Variants in GABRA1 observed in about 807,000 individuals in gnomAD.
The protein encoded by GABRA1 is gamma-aminobutyric acid receptor subunit alpha-1.
A neutral mutation model predicts 48.9 loss-of-function variants in GABRA1; 9 were observed. The ratio of observed to expected loss-of-function variants is 0.18; its 90% CI spans 0.11 to 0.32. The LOEUF (loss-of-function observed/expected upper bound fraction) is 0.32, where lower values mean the gene tolerates loss of function less well. Among genes scored for constraint, GABRA1 ranks in the 10% least tolerant of loss-of-function variants. The probability of loss-of-function intolerance (pLI) is 1.00; values close to 1 mark genes in which losing one functional copy is unlikely to be tolerated. For missense variants in GABRA1, 285 were observed against 553.8 expected (o/e 0.51, Z 4.87); for synonymous variants, 210 against 198.7 (o/e 1.06, Z -0.48).
In GABRA1 at chr5:161,897,528, GAA is replaced by G; in HGVS notation, c.*108_*109del. ...TTATTGCCTCTGTCTTAAAGAATTT[GAA>G]AGTTTCCTTATTTTCATAATTCATT... On this transcript the variant is annotated 3_prime_UTR_variant, in exon 10 of 10. Coordinates refer to ENST00000393943, the MANE Select transcript of GABRA1 (RefSeq NM_001127644.2). The G allele has an allele frequency of 9.0e-7, 1 of 1,114,058 alleles. No individual in the cohort carries two copies. Among genetic ancestry groups the G allele is most frequent in the Non-Finnish European group, 1.3e-6 (1 of 752,632 alleles). 69.0% of individuals were successfully genotyped at this position (1,114,058 alleles called of 1,614,324 possible).
chr5:161,891,337 C>T (rs1362693613), intron 8 of GABRA1, among the ~76,000 whole-genome samples: 2 of 152,006 alleles, frequency 1.3e-5, no homozygotes, highest in Non-Finnish European at 2.9e-5. Context: ...ATATTAAAAA[C>T]TCATAAATAA....
At chr5:161,860,520 A>C in intron 3 of GABRA1, among the ~76,000 whole-genome samples, 1 of 151,746 alleles carries the variant, frequency 6.6e-6, no homozygotes, top group Non-Finnish European at 1.5e-5. Context: ...GTTAATGGGT[A>C]CAAAAGAAAG....
upstream of GABRA1, chr5:161,847,438 A>G (rs555029283): frequency 1.3e-5 from 2 of 152,354 alleles, no homozygotes; most frequent in East Asian, 3.9e-4. Context: ...TTTCTCCATG[A>G]TAACATAGAC....
At chr5:161,886,458 T>G (rs1490438711) in intron 7 of GABRA1, among the ~76,000 whole-genome samples, 1 of 151,854 alleles carries the variant, frequency 6.6e-6, no homozygotes, top group Non-Finnish European at 1.5e-5. Context: ...ATGCAGTAAG[T>G]GTCCGATATT....
chr5:161,869,952 T>C (rs1007530820), intron 4 of GABRA1, among the ~76,000 whole-genome samples: 2 of 152,198 alleles, frequency 1.3e-5, no homozygotes, highest in Non-Finnish European at 2.9e-5. Flanking sequence ...GAGAAACACA[T>C]TTTCATGACC....
intron 7 of GABRA1, among the ~76,000 whole-genome samples, chr5:161,890,487 G>T (rs561070009): frequency 6.6e-6 from 1 of 152,044 alleles, no homozygotes; most frequent in East Asian, 1.9e-4. Flanking sequence ...TCTTCAGTAG[G>T]TATTGTGGAT....
rs570649174 is a variant in GABRA1 at position 161,855,932 on chromosome 5, CA to C, written c.187+1663del. 1.3e-3 allele frequency among the ~76,000 whole-genome samples: 195 copies of C among 151,350 alleles called. 1 individual carries two copies. Among genetic ancestry groups the C allele is most frequent in the African/African-American group, 4.3e-3 (180 of 41,448 alleles). On this transcript the variant is annotated intron_variant, in intron 3 of 9. Transcript: ENST00000393943. ...GCATGTAAATATGAGTATTATTTGA[CA>C]GATTTGTGCATCATCTTCAATTTAT...
intron 5 of GABRA1, 103 bp downstream of exon 5, chr5:161,873,440 CT>C (rs1754211464): frequency 2.1e-6 from 2 of 948,026 alleles, no homozygotes; most frequent in Admixed American, 2.0e-5. Context: ...TATTTGCTTC[CT>C]TGTTTTTCAA....
At chr5:161,872,391 A>T (rs1464575996) in intron 4 of GABRA1, 1 of 152,614 alleles carries the variant, frequency 6.6e-6, no homozygotes, top group Admixed American at 6.6e-5. Context: ...GATGAGCTTC[A>T]AACATTTCTC....
chr5:161,852,650 A>C (rs1002563600), intron 2 of GABRA1, among the ~76,000 whole-genome samples: 1 of 152,010 alleles, frequency 6.6e-6, no homozygotes, highest in Non-Finnish European at 1.5e-5. Context: ...ATTTAAAAAA[A>C]CAGCAAGATG....
chr5:161,876,182 C>CATATATAT (rs139492840), intron 6 of GABRA1, among the ~76,000 whole-genome samples: 3 of 148,548 alleles, frequency 2.0e-5, no homozygotes, highest in Non-Finnish European at 4.5e-5. Flanking sequence ...TCATGGCATT[C>CATATATAT]ATATATATAT....
chr5:161,874,092 A>C (rs1754240585), intron 5 of GABRA1, among the ~76,000 whole-genome samples: 1 of 151,762 alleles, frequency 6.6e-6, no homozygotes, highest in Admixed American at 6.6e-5. Flanking sequence ...GACTTGTTAG[A>C]TACGAGTTTT....
At chr5:161,875,342 G>C (rs1754300144) in intron 5 of GABRA1, among the ~76,000 whole-genome samples, 1 of 152,072 alleles carries the variant, frequency 6.6e-6, no homozygotes, top group African/African-American at 2.4e-5. Context: ...AATATCAGGG[G>C]TTGCCTTGTT....
At chr5:161,854,385 A>G (rs1319056879) in intron 3 of GABRA1, 115 bp downstream of exon 3, 10 of 721,120 alleles carry the variant, frequency 1.4e-5, no homozygotes, top group Non-Finnish European at 2.6e-5. Context: ...TAATTTAATG[A>G]CAAATCTATT....
intron 4 of GABRA1, among the ~76,000 whole-genome samples, chr5:161,866,807 A>G (rs1753880883): frequency 6.6e-6 from 1 of 152,132 alleles, no homozygotes; most frequent in Non-Finnish European, 1.5e-5. Flanking sequence ...CCAAGAGGAT[A>G]ATCAGATATT....
At chr5:161,893,048 T>TAATAATAATAATAAAAA (rs5872733) in intron 8 of GABRA1, among the ~76,000 whole-genome samples, 16 of 141,996 alleles carry the variant, frequency 1.1e-4, no homozygotes, top group African/African-American at 2.1e-4. Context: ...ATAATAATAA[T>TAATAATAATAATAAAAA]AAAATAAACA....
chr5:161,857,599 T>C (rs1757700865), intron 3 of GABRA1, among the ~76,000 whole-genome samples: 1 of 151,512 alleles, frequency 6.6e-6, no homozygotes, highest in Non-Finnish European at 1.5e-5. Flanking sequence ...CAGGAAGGGA[T>C]TTTTAAAGGT....
chr5:161,873,460 A>G (rs1469277275), intron 5 of GABRA1, 123 bp downstream of exon 5: 2 of 794,648 alleles, frequency 2.5e-6, no homozygotes, highest in East Asian at 5.3e-5. Flanking sequence ...AACCTTAACA[A>G]TCTTAAAAAT....
intron 1 of GABRA1, chr5:161,850,504 G>A: frequency 1.9e-6 from 1 of 520,778 alleles, no homozygotes; most frequent in Non-Finnish European, 3.4e-6. Flanking sequence ...ATAAAACCTA[G>A]AGATAAACAA....
Sources: allele counts gnomAD v4.1 joint callset (sites outside exome capture counted in the v4.1 genomes callset), GRCh38; gene constraint gnomAD v4.1.1; transcripts MANE v1.5; gene names NCBI Gene and HGNC (gene_info 2026-07-23, HGNC 2026-07-21).